VPS13B: variants seen among roughly 807,000 people sequenced by gnomAD.
VPS13B encodes vacuolar protein sorting 13 homolog B, also known as intermembrane lipid transfer protein VPS13B.
In VPS13B, 285 loss-of-function variants were observed where a neutral mutation model predicts 426.4. The ratio of observed to expected loss-of-function variants is 0.67; its 90% CI spans 0.61 to 0.74. The LOEUF (loss-of-function observed/expected upper bound fraction) is 0.74. Among genes scored for constraint, VPS13B ranks in the 30% least tolerant of loss-of-function variants. The pLI, the probability that VPS13B is intolerant of heterozygous loss-of-function variation, is 0.00. For missense variants in VPS13B, 4,537 were observed against 4,782.6 expected (o/e 0.95, Z 1.51); for synonymous variants, 1,676 against 1,676.4 (o/e 1.00, Z 0.01).
chr8:99,152,447 G>A (rs1811124913), intron 14 of VPS13B, among the ~76,000 whole-genome samples: 1 of 152,132 alleles, frequency 6.6e-6, no homozygotes, highest in Non-Finnish European at 1.5e-5. Flanking sequence ...TTCTATGTAA[G>A]CTTTAGAAGA....
At chr8:99,410,099 C>T (rs1478020007) in intron 21 of VPS13B, among the ~76,000 whole-genome samples, 1 of 151,896 alleles carries the variant, frequency 6.6e-6, no homozygotes. Flanking sequence ...ATCTCTGTAA[C>T]CAAAAACCAA....
intron 20 of VPS13B, among the ~76,000 whole-genome samples, chr8:99,390,865 A>T (rs762345312): frequency 2.0e-5 from 3 of 152,214 alleles, no homozygotes; most frequent in Non-Finnish European, 2.9e-5. Flanking sequence ...GTAACATCAG[A>T]CTTTATTTCA....
At chr8:99,013,639 T>C (rs936760054) in intron 1 of VPS13B, 121 bp from the exon 2 acceptor site, 4 of 854,152 alleles carry the variant, frequency 4.7e-6, no homozygotes, top group Non-Finnish European at 7.5e-6. Context: ...AGTTTTTCTC[T>C]GTTTCTAAGA....
At chr8:99,375,829 T>C (rs1813454680) in intron 19 of VPS13B, among the ~76,000 whole-genome samples, 1 of 152,214 alleles carries the variant, frequency 6.6e-6, no homozygotes, top group Non-Finnish European at 1.5e-5. Context: ...ACAACTTAGA[T>C]GTAAATTAAT....
At chr8:99,823,811 T>C in intron 50 of VPS13B, 21 bp from the exon 51 acceptor site, 1 of 1,611,302 alleles carries the variant, frequency 6.2e-7, no homozygotes, top group South Asian at 1.1e-5. Context: ...TCAAAATTAT[T>C]TTTTCTCAAT....
intron 16 of VPS13B, among the ~76,000 whole-genome samples, chr8:99,170,777 T>C (rs772788786): frequency 4.6e-5 from 7 of 151,706 alleles, no homozygotes; most frequent in Admixed American, 1.3e-4. Flanking sequence ...TTTTAATATA[T>C]TGTTTAAATA....
intron 33 of VPS13B, among the ~76,000 whole-genome samples, chr8:99,631,824 T>C (rs768346038): frequency 4.6e-5 from 7 of 151,914 alleles, no homozygotes; most frequent in African/African-American, 9.7e-5. Context: ...AGCTAGTGCC[T>C]AGAACATAGT....
intron 33 of VPS13B, among the ~76,000 whole-genome samples, chr8:99,597,096 T>C (rs1827058909): frequency 1.3e-5 from 2 of 152,082 alleles, no homozygotes; most frequent in African/African-American, 4.8e-5. Flanking sequence ...CTTTTCCTAT[T>C]GGTTCTACCC....
At chr8:99,674,130 A>T (rs982953632) in intron 35 of VPS13B, among the ~76,000 whole-genome samples, 1 of 151,976 alleles carries the variant, frequency 6.6e-6, no homozygotes, top group African/African-American at 2.4e-5. Flanking sequence ...TTTAAGTCTG[A>T]TGTTTCCTGT....
At chr8:99,552,901 T>C (rs1283831845) in intron 30 of VPS13B, among the ~76,000 whole-genome samples, 5 of 152,098 alleles carry the variant, frequency 3.3e-5, no homozygotes, top group African/African-American at 4.8e-5. Flanking sequence ...GTGCTCTATG[T>C]AATTTTGTCA....
At chr8:99,474,439 G>A (rs1300809477) in intron 24 of VPS13B, among the ~76,000 whole-genome samples, 1 of 151,672 alleles carries the variant, frequency 6.6e-6, no homozygotes, top group Non-Finnish European at 1.5e-5. Context: ...CACCTGCCTC[G>A]GCCTCCCAAA....
rs1287791786 is a variant in VPS13B at position 99,511,244 on chromosome 8, C to A, written c.4365C>A (p.Gly1455=). Residue 1455 remains glycine (G), a synonymous_variant, in exon 29 of 62, where the codon GGC becomes GGA. Transcript: ENST00000357162. Reference sequence around the variant, plus strand: ...GAAGTTTTCATAAGTTATCTGAAGGCCTAATGGATGGTTCTCCTCATTTTC... The same window carrying A: ...GAAGTTTTCATAAGTTATCTGAAGGACTAATGGATGGTTCTCCTCATTTTC... ...ERRSFHKLSE[G]LMDGSPHFLH... 1 of 1,614,068 alleles carries A rather than the reference C, an allele frequency of 6.2e-7. No individual in the cohort carries two copies. Among genetic ancestry groups the A allele is most frequent in the Admixed American group, 1.7e-5 (1 of 60,016 alleles).
intron 43 of VPS13B, among the ~76,000 whole-genome samples, chr8:99,800,898 C>T (rs1309151673): frequency 6.6e-6 from 1 of 152,040 alleles, no homozygotes; most frequent in Non-Finnish European, 1.5e-5. Flanking sequence ...TTAATGTTTG[C>T]TAGAAACATG....
At chr8:99,439,276 T>A (rs895163265) in intron 22 of VPS13B, among the ~76,000 whole-genome samples, 1 of 152,152 alleles carries the variant, frequency 6.6e-6, no homozygotes, top group African/African-American at 2.4e-5. Context: ...CACTGCACAA[T>A]GTACAGAAAC....
intron 21 of VPS13B, among the ~76,000 whole-genome samples, chr8:99,410,599 A>G (rs969905689): frequency 6.6e-6 from 1 of 151,820 alleles, no homozygotes; most frequent in Non-Finnish European, 1.5e-5. Flanking sequence ...GTTCTGGGAT[A>G]CATGTGTAGA....
At chr8:99,297,532 T>C (rs1820111077) in intron 19 of VPS13B, among the ~76,000 whole-genome samples, 1 of 45,672 alleles carries the variant, frequency 2.2e-5, no homozygotes, top group South Asian at 1.1e-3. Context: ...TGTAAAATCA[T>C]GTGCTAATTC....
At chr8:99,632,762 A>C (rs1424628777) in intron 33 of VPS13B, among the ~76,000 whole-genome samples, 1 of 152,048 alleles carries the variant, frequency 6.6e-6, no homozygotes, top group Non-Finnish European at 1.5e-5. Flanking sequence ...TATTGATAAC[A>C]TATGACAGAG....
chr8:99,576,438 A>G (rs143400171), intron 32 of VPS13B, among the ~76,000 whole-genome samples: 2 of 152,154 alleles, frequency 1.3e-5, no homozygotes, highest in East Asian at 3.9e-4. Context: ...TGAGGAATAG[A>G]ATAAGAATTC....
Position 99,724,746 on chromosome 8 carries a change from C to T in VPS13B, c.7050+3699C>T, listed in dbSNP as rs1249218104. Among the ~76,000 whole-genome samples the T allele has an allele frequency of 2.0e-5, 3 of 152,150 alleles. No homozygotes were observed. In the South Asian group the frequency reaches 6.2e-4, roughly 32 times the overall value. On this transcript the variant is annotated intron_variant, in intron 39 of 61. Coordinates refer to ENST00000357162, the MANE Select transcript of VPS13B (RefSeq NM_152564.5). The stretch of plus-strand genomic sequence containing the variant: ...AATGCCTAGACCACTAAAAAAGACT[C>T]CTAGATGGAATTCCAGGCTCCAGTA...
Sources: allele counts gnomAD v4.1 joint callset (sites outside exome capture counted in the v4.1 genomes callset), GRCh38; gene constraint gnomAD v4.1.1; transcripts MANE v1.5; gene names NCBI Gene and HGNC (gene_info 2026-07-23, HGNC 2026-07-21).